SLC8B1: variants seen among roughly 807,000 people sequenced by gnomAD.
The protein encoded by SLC8B1 is solute carrier family 8 member B1.
SLC8B1 carries 52 observed loss-of-function variants against 63.4 expected under a neutral mutation model. The ratio of observed to expected loss-of-function variants is 0.82; its 90% CI spans 0.66 to 1.03. The LOEUF is 1.03. SLC8B1 is among the 50% of genes least tolerant of loss of function. SLC8B1 has a pLI of 0.00. For synonymous variants in SLC8B1, 336 were observed against 323.9 expected (o/e 1.04, Z -0.40); for missense variants, 657 against 741.7 (o/e 0.89, Z 1.33).
Position 113,321,070 on chromosome 12 carries a change from G to A in SLC8B1, c.348C>T (p.Val116=). ...WLLYLFLILG[V]TAAKFFCPNL... The stretch of plus-strand genomic sequence containing the variant: ...GCCAAACTCACAACTTGGCTGCGGT[G>A]ACTCCCAGAATCAGAAACAGGTAGA... The change falls in exon 4 of 16, where the codon GTC becomes GTT. Residue 116 remains valine, a synonymous_variant. Coordinates refer to ENST00000680972, the MANE Select transcript of SLC8B1 (RefSeq NM_001358345.2). 6.2e-7 allele frequency: 1 copy of A among 1,613,476 alleles called. No individual in the cohort carries two copies. Among genetic ancestry groups the A allele is most frequent in the Non-Finnish European group, 8.5e-7 (1 of 1,179,726 alleles).
At chr12:113,326,361 T>A (rs77002009) in intron 2 of SLC8B1, among the ~76,000 whole-genome samples, 3,979 of 152,268 alleles carry the variant, frequency 0.026, 137 homozygotes, top group East Asian at 0.16. Context: ...TTTTCTTTTT[T>A]CTTTTTTATT....
At chr12:113,322,557 G>A (rs1956944886) in intron 2 of SLC8B1, among the ~76,000 whole-genome samples, 1 of 152,108 alleles carries the variant, frequency 6.6e-6, no homozygotes, top group Non-Finnish European at 1.5e-5. Context: ...TGAATCAGAG[G>A]GTATCCTGGT....
intron 10 of SLC8B1, 36 bp downstream of exon 10, chr12:113,316,490 C>T (rs780392077): frequency 9.3e-6 from 15 of 1,606,004 alleles, no homozygotes; most frequent in African/African-American, 1.3e-5. Context: ...TTGCTGCTGT[C>T]AGAAGGCTGT....
At chr12:113,322,426 T>G (rs1956943302) in intron 2 of SLC8B1, among the ~76,000 whole-genome samples, 1 of 152,172 alleles carries the variant, frequency 6.6e-6, no homozygotes, top group Non-Finnish European at 1.5e-5. Context: ...GGTAAACATT[T>G]CCCTACTGGG....
In SLC8B1 at chr12:113,332,084, C is replaced by T. The variant is rs187204147; in HGVS notation, c.156+639G>A. Among the ~76,000 whole-genome samples the T allele has an allele frequency of 3.7e-4, 57 of 152,222 alleles. No homozygotes were observed. In the East Asian group the frequency reaches 6.0e-3, roughly 16 times the overall value. On this transcript the variant is annotated intron_variant, in intron 2 of 15. Coordinates refer to ENST00000680972, the MANE Select transcript of SLC8B1 (RefSeq NM_001358345.2). ...TCCCTTTGCCCAGAATGCTCTTCCC[C>T]GGGGTGTCAATGTAGGTGGTTTCCT...
At position 113,327,548 on chromosome 12, in the gene SLC8B1, G is replaced by A. The variant is rs6489899; in HGVS notation, c.156+5175C>T. ...AAAAATATAAAAATTAGCCAGGCAC[G>A]GTGGCGTGTGCCTGTGTTCCCAGCT... is the stretch of plus-strand genomic sequence containing the variant. On this transcript the variant is annotated intron_variant, in intron 2 of 15. Coordinates refer to ENST00000680972, the MANE Select transcript of SLC8B1 (RefSeq NM_001358345.2). Among the ~76,000 whole-genome samples the A allele has an allele frequency of 8.2e-3, 1,243 of 151,982 alleles. 14 individuals carry two copies. The highest frequency in any genetic ancestry group is 0.028 in the African/African-American group (1,171 of 41,406).
chr12:113,300,429 G>A (rs1366221605), intron 15 of SLC8B1, among the ~76,000 whole-genome samples: 1 of 152,204 alleles, frequency 6.6e-6, no homozygotes, highest in Non-Finnish European at 1.5e-5. Context: ...GTTGCAGTAA[G>A]CCGACATCGT....
intron 15 of SLC8B1, among the ~76,000 whole-genome samples, chr12:113,300,464 T>C: frequency 6.6e-6 from 1 of 151,872 alleles, no homozygotes; most frequent in Non-Finnish European, 1.5e-5. Flanking sequence ...GCTTGGGTGA[T>C]GGAGTAAGAC....
chr12:113,320,128 G>A lies in SLC8B1; in HGVS notation c.694+203C>T. The A allele has an allele frequency of 1.6e-6, 1 of 617,430 alleles. No individual in the cohort carries two copies. Among genetic ancestry groups the A allele is most frequent in the Non-Finnish European group, 2.8e-6 (1 of 361,858 alleles). 38.2% of individuals were successfully genotyped at this position (617,430 alleles called of 1,614,324 possible). The stretch of plus-strand genomic sequence containing the variant: ...GACACTTTTGAATACTCCCTCCCCA[G>A]CCCCCAGCTCTGCCAGGCCTCTTTG... On this transcript the variant is annotated intron_variant, in intron 7 of 15. Transcript: ENST00000680972. The surrounding 1 kb of genome is among the most constrained non-coding windows in gnomAD (Gnocchi z 5.3).
At position 113,307,752 on chromosome 12, in the gene SLC8B1, G is replaced by C; in HGVS notation, c.1350C>G (p.Val450=). ...VVNILRSLGV[V]FRLSNTVLGL... ...CCAGCACAGTGTTGCTCAGCCGGAA[G>C]ACCACACCCAGGGACCGCAAGATGT... The change falls in exon 13 of 16, where the codon GTC becomes GTG. Residue 450 remains valine, a synonymous_variant. Transcript: ENST00000680972. 2 of 1,614,050 alleles carry C rather than the reference G, an allele frequency of 1.2e-6. No homozygotes were observed. The highest frequency in any genetic ancestry group is 1.7e-6 in the Non-Finnish European group (2 of 1,180,024).
chr12:113,300,839 A>G (rs973201616), intron 15 of SLC8B1, among the ~76,000 whole-genome samples: 1 of 152,252 alleles, frequency 6.6e-6, no homozygotes, highest in African/African-American at 2.4e-5. Flanking sequence ...ATCAAGAAAC[A>G]ATATGGATGC....
In SLC8B1 at chr12:113,321,186, A is replaced by G. The variant is rs751361861; in HGVS notation, c.309+10T>C. On this transcript the variant is annotated intron_variant, in intron 3 of 15. Coordinates refer to ENST00000680972, the MANE Select transcript of SLC8B1 (RefSeq NM_001358345.2). ...GCCCCTCTCACCAGCCCCCCAGGGC[A>G]GGGCCTCACGTAGAGAGTGACAGCC... is the stretch of plus-strand genomic sequence containing the variant. 7.3e-5 allele frequency: 118 copies of G among 1,613,954 alleles called. 1 individual carries two copies. Among genetic ancestry groups the G allele is most frequent in the Non-Finnish European group, 9.5e-5 (112 of 1,179,942 alleles).
intron 2 of SLC8B1, 71 bp from the exon 3 acceptor site, chr12:113,321,419 C>T: frequency 6.2e-7 from 1 of 1,600,836 alleles, no homozygotes; most frequent in Non-Finnish European, 8.5e-7. Context: ...CCCATCTAAG[C>T]AGCTAAACAT....
At chr12:113,309,676 A>G (rs1956729187) in intron 12 of SLC8B1, among the ~76,000 whole-genome samples, 1 of 152,234 alleles carries the variant, frequency 6.6e-6, no homozygotes, top group African/African-American at 2.4e-5. Context: ...GGATGGCTTC[A>G]GCCCAGGAGG....
At chr12:113,300,033 CTGTGGCCA>C in intron 15 of SLC8B1, 59 bp from the exon 16 acceptor site, 1 of 1,501,146 alleles carries the variant, frequency 6.7e-7, no homozygotes, top group Non-Finnish European at 9.2e-7. Context: ...CCCGCCCCGT[CTGTGGCCA>C]ACACAACAAT....
Position 113,320,253 on chromosome 12 carries a change from C to G in SLC8B1, c.694+78G>C. ...AAGCCCCCACTGACCACCCCTCACA[C>G]CTCTCTGTCCCAGGCACCTCCTAAA... On this transcript the variant is annotated intron_variant, in intron 7 of 15. Coordinates refer to ENST00000680972, the MANE Select transcript of SLC8B1 (RefSeq NM_001358345.2). The surrounding 1 kb of genome is among the most constrained non-coding windows in gnomAD (Gnocchi z 5.3). The G allele has an allele frequency of 6.6e-7, 1 of 1,520,276 alleles. No individual in the cohort carries two copies. Among genetic ancestry groups the G allele is most frequent in the Non-Finnish European group, 8.9e-7 (1 of 1,124,336 alleles). The allele number at this position is 1,520,276 out of a possible 1,614,324, so 94.2% of individuals were successfully genotyped here. A position where few individuals can be genotyped will look rare whatever the true frequency, so the allele number is the denominator to read the frequency against.
At chr12:113,315,716 G>A (rs1956826137) in intron 10 of SLC8B1, among the ~76,000 whole-genome samples, 1 of 152,266 alleles carries the variant, frequency 6.6e-6, no homozygotes, top group African/African-American at 2.4e-5. Context: ...CTGAAGTCAA[G>A]TTGTCAGCAG....
chr12:113,303,071 TACAC>T lies in SLC8B1; in HGVS notation c.1557+1246_1557+1249del, dbSNP rs368824979. 9.8e-4 allele frequency among the ~76,000 whole-genome samples: 128 copies of T among 130,228 alleles called. No homozygotes were observed. In the East Asian group the frequency reaches 0.025, roughly 26 times the overall value. The allele number at this position is 130,228 out of a possible 152,430, so 85.4% of individuals were successfully genotyped here. The stretch of plus-strand genomic sequence containing the variant: ...GGTGGTAGACACACACACACACACG[TACAC>T]ACACACACACACTTCCTAAACTCAG... On this transcript the variant is annotated intron_variant, in intron 15 of 15. Coordinates refer to ENST00000680972, the MANE Select transcript of SLC8B1 (RefSeq NM_001358345.2).
Position 113,307,761 on chromosome 12 carries a change from C to T in SLC8B1, c.1341G>A (p.Leu447=), listed in dbSNP as rs752959522. 6.8e-6 allele frequency: 11 copies of T among 1,613,920 alleles called. No individual in the cohort carries two copies. Among genetic ancestry groups the T allele is most frequent in the Non-Finnish European group, 9.3e-6 (11 of 1,180,046 alleles). The change falls in exon 13 of 16, where the codon CTG becomes CTA. Residue 447 remains leucine (L), a synonymous_variant. Coordinates refer to ENST00000680972, the MANE Select transcript of SLC8B1 (RefSeq NM_001358345.2). The part of the protein sequence containing the change: ...ATEVVNILRS[L]GVVFRLSNTV... ...TGTTGCTCAGCCGGAAGACCACACC[C>T]AGGGACCGCAAGATGTTCACCACCT...
Sources: allele counts gnomAD v4.1 joint callset (sites outside exome capture counted in the v4.1 genomes callset), GRCh38; gene constraint gnomAD v4.1.1; non-coding constraint Gnocchi (gnomAD v3.1); transcripts MANE v1.5; gene names NCBI Gene and HGNC (gene_info 2026-07-23, HGNC 2026-07-21).